CELF2: variants seen among roughly 807,000 people sequenced by gnomAD.
The protein encoded by CELF2 is CUG triplet repeat RNA-binding protein 2.
In CELF2, 8 loss-of-function variants were observed where a neutral mutation model predicts 62.6. The ratio of observed to expected loss-of-function variants is 0.13; its 90% CI spans 0.07 to 0.23. The LOEUF (loss-of-function observed/expected upper bound fraction) is 0.23, where lower values mean the gene tolerates loss of function less well. Ranked by LOEUF, CELF2 falls within the 10% of genes least tolerant of loss-of-function variation. The pLI, the probability that CELF2 is intolerant of heterozygous loss-of-function variation, is 1.00. For missense variants in CELF2, 333 were observed against 671.0 expected (o/e 0.50, Z 5.56); for synonymous variants, 258 against 250.0 (o/e 1.03, Z -0.30).
the CELF2 span, among the ~76,000 whole-genome samples, chr10:10,730,978 G>C: frequency 6.6e-6 from 1 of 152,180 alleles, no homozygotes; most frequent in African/African-American, 2.4e-5. Context: ...ATATTGTCCT[G>C]AGTGGTGCTA....
chr10:10,980,584 T>C (rs2051971333), intron 2 of CELF2, among the ~76,000 whole-genome samples: 1 of 152,230 alleles, frequency 6.6e-6, no homozygotes, highest in Non-Finnish European at 1.5e-5. Context: ...ATCAACCTAA[T>C]GGATTCTGTC....
rs2064618883 is a variant in CELF2 at position 11,157,099 on chromosome 10, C to T, written c.75-8387C>T. 6.6e-6 allele frequency among the ~76,000 whole-genome samples: 1 copy of T among 151,950 alleles called. No individual in the cohort carries two copies. The highest frequency in any genetic ancestry group is 2.4e-5 in the African/African-American group (1 of 41,344). Reference sequence around the variant, plus strand: ...GGAAGGTCCTTTGCGGAACAGGCTCCAGGGGGTGGCATTTCAAGAGCAGGT... The same window carrying T: ...GGAAGGTCCTTTGCGGAACAGGCTCTAGGGGGTGGCATTTCAAGAGCAGGT... On this transcript the variant is annotated intron_variant, in intron 1 of 12. Coordinates refer to ENST00000633077, the MANE Select transcript of CELF2 (RefSeq NM_001326342.2). The surrounding 1 kb of genome is among the most constrained non-coding windows in gnomAD (Gnocchi z 4.9).
intron 1 of CELF2, among the ~76,000 whole-genome samples, chr10:10,887,385 T>C (rs1275644586): frequency 6.6e-5 from 10 of 152,204 alleles, no homozygotes; most frequent in Admixed American, 5.9e-4. Flanking sequence ...TGCTGATAAA[T>C]CTCATGTGAT....
chr10:10,704,060 A>G, the CELF2 span, among the ~76,000 whole-genome samples: 7 of 152,248 alleles, frequency 4.6e-5, no homozygotes, highest in African/African-American at 1.7e-4. Context: ...TATCACTCTC[A>G]CTTCAGTACT....
At chr10:11,182,222 A>T (rs975136025) in intron 2 of CELF2, among the ~76,000 whole-genome samples, 1 of 152,198 alleles carries the variant, frequency 6.6e-6, no homozygotes, top group Non-Finnish European at 1.5e-5. Context: ...CTCAGGAACA[A>T]TTCCATTCTG....
intron 1 of CELF2, among the ~76,000 whole-genome samples, chr10:11,121,251 C>A (rs1462323449): frequency 1.3e-5 from 2 of 152,188 alleles, no homozygotes; most frequent in Middle Eastern, 3.4e-3. Context: ...TAAGACCTAT[C>A]TTAGTGTTTT....
intron 1 of CELF2, among the ~76,000 whole-genome samples, chr10:10,809,455 G>A (rs2081666305): frequency 6.6e-6 from 1 of 152,062 alleles, no homozygotes; most frequent in African/African-American, 2.4e-5. Context: ...GCATCCATTC[G>A]GGTTTCATCT....
intron 2 of CELF2, among the ~76,000 whole-genome samples, chr10:11,188,888 T>C (rs2075650106): frequency 6.6e-6 from 1 of 152,232 alleles, no homozygotes; most frequent in South Asian, 2.1e-4. Flanking sequence ...TTTTCTTCAG[T>C]GTTTAATCTG....
At chr10:11,029,477 G>A (rs2059771559) in intron 1 of CELF2, among the ~76,000 whole-genome samples, 1 of 152,166 alleles carries the variant, frequency 6.6e-6, no homozygotes, top group African/African-American at 2.4e-5. Flanking sequence ...CCTCCACGAC[G>A]GGCCAGGGGA....
At position 11,011,765 on chromosome 10, in the gene CELF2, AT is replaced by A. The variant is rs1215494914; in HGVS notation, c.53+6328del. ...AGTTCTTTTAAGAGAAAGAAAAAAA[AT>A]TTCCCCTAATGGACTTCATGGGAAT... On this transcript the variant is annotated intron_variant, in intron 1 of 12. Transcript: ENST00000416382. This position sits in a 1 kb window ranked among gnomAD's most constrained non-coding sequence, Gnocchi z 4.6. Among the ~76,000 whole-genome samples the A allele has an allele frequency of 3.3e-5, 5 of 151,946 alleles. No individual in the cohort carries two copies. The East Asian group carries it at 5.8e-4, about 18-fold the overall frequency.
intron 1 of CELF2, among the ~76,000 whole-genome samples, chr10:11,076,232 C>T (rs1313570180): frequency 6.6e-6 from 1 of 151,702 alleles, no homozygotes; most frequent in Non-Finnish European, 1.5e-5. Context: ...TTTACTCCTC[C>T]TCGAGAAAGA....
the CELF2 span, among the ~76,000 whole-genome samples, chr10:10,621,169 A>G: frequency 7.7e-5 from 11 of 142,326 alleles, no homozygotes; most frequent in South Asian, 2.4e-4. Context: ...GCGTGAACCC[A>G]GGAGGTGGAG....
At chr10:10,772,080 T>A in the CELF2 span, among the ~76,000 whole-genome samples, 1 of 152,120 alleles carries the variant, frequency 6.6e-6, no homozygotes, top group African/African-American at 2.4e-5. Context: ...CTGTGCCTAT[T>A]GTACAGAAAG....
At chr10:10,821,034 A>G (rs1403210463) in intron 1 of CELF2, among the ~76,000 whole-genome samples, 1 of 152,234 alleles carries the variant, frequency 6.6e-6, no homozygotes, top group Non-Finnish European at 1.5e-5. Flanking sequence ...AATGATTTCA[A>G]GGAAGTCAAA....
intron 2 of CELF2, among the ~76,000 whole-genome samples, chr10:10,954,964 T>G (rs1172870439): frequency 6.6e-6 from 1 of 152,256 alleles, no homozygotes; most frequent in African/African-American, 2.4e-5. Context: ...AGTTCTTAGG[T>G]CAACTGCCTA....
chr10:10,707,157 G>C, the CELF2 span, among the ~76,000 whole-genome samples: 1 of 152,286 alleles, frequency 6.6e-6, no homozygotes, highest in East Asian at 1.9e-4. Flanking sequence ...TGAAATGCTG[G>C]CTCTTTGAGT....
chr10:10,652,670 G>T, the CELF2 span, among the ~76,000 whole-genome samples: 3 of 151,856 alleles, frequency 2.0e-5, no homozygotes, highest in Non-Finnish European at 2.9e-5. Flanking sequence ...ACAAGCAAAT[G>T]CTGAGAGATT....
the CELF2 span, among the ~76,000 whole-genome samples, chr10:10,510,285 G>T: frequency 2.0e-5 from 3 of 152,106 alleles, no homozygotes; most frequent in South Asian, 6.2e-4. Flanking sequence ...AGTCATCTCC[G>T]TAATACTTGA....
chr10:11,036,268 T>C (rs1255845525), intron 1 of CELF2, among the ~76,000 whole-genome samples: 3 of 152,264 alleles, frequency 2.0e-5, no homozygotes, highest in Admixed American at 2.0e-4. Flanking sequence ...TATTCAAATC[T>C]GTGTTTCCTT....
Sources: allele counts gnomAD v4.1 joint callset (sites outside exome capture counted in the v4.1 genomes callset), GRCh38; gene constraint gnomAD v4.1.1; non-coding constraint Gnocchi (gnomAD v3.1); transcripts MANE v1.5; gene names NCBI Gene and HGNC (gene_info 2026-07-23, HGNC 2026-07-21).